The following TRIO variants were observed in gnomAD, a reference collection of about 807,000 sequenced individuals.
TRIO encodes trio Rho guanine nucleotide exchange factor.
TRIO carries 58 observed loss-of-function variants against 351.9 expected under a neutral mutation model. The observed-to-expected ratio is 0.16, with a 90% CI of 0.13 to 0.21. TRIO has a LOEUF of 0.21. Ranked by LOEUF, TRIO falls within the 10% of genes least tolerant of loss-of-function variation. TRIO has a pLI of 1.00. For synonymous variants in TRIO, 1,758 were observed against 1,595.7 expected (o/e 1.10, Z -2.42); for missense variants, 3,201 against 4,027.8 (o/e 0.79, Z 5.56).
chr5:14,465,569 C>T lies in TRIO; in HGVS notation c.5692C>T (p.Pro1898Ser). 1 of 1,614,048 alleles carries T rather than the reference C, an allele frequency of 6.2e-7. No individual in the cohort carries two copies. Among genetic ancestry groups the T allele is most frequent in the Non-Finnish European group, 8.5e-7 (1 of 1,180,016 alleles). ...DKASSRLLVR[P>S]TSSETPSAAE... Reference sequence around the variant, plus strand: ...GGCCTCTTCTCGGTTATTAGTCCGCCCCACCAGCTCCGAAACACCGAGTGC... The same window carrying T: ...GGCCTCTTCTCGGTTATTAGTCCGCTCCACCAGCTCCGAAACACCGAGTGC... Residue 1898 changes from proline (P) to serine (S), a missense_variant, in exon 37 of 57, where the codon CCC becomes TCC. Transcript: ENST00000344204.
chr5:14,268,404 G>T (rs937204227), intron 1 of TRIO, among the ~76,000 whole-genome samples: 1 of 152,170 alleles, frequency 6.6e-6, no homozygotes. Flanking sequence ...CTCTCTATTG[G>T]GATATCAGCA....
chr5:14,358,431 C>T, intron 12 of TRIO, 84 bp downstream of exon 12: 1 of 1,515,384 alleles, frequency 6.6e-7, no homozygotes. Context: ...TGTGAGTGGT[C>T]AGCTCTGCTT....
At chr5:14,399,289 T>C (rs1451770616) in intron 30 of TRIO, 1 of 547,894 alleles carries the variant, frequency 1.8e-6, no homozygotes, top group African/African-American at 1.9e-5. Flanking sequence ...GGAAACTTGC[T>C]CTTCTTAAAT....
At chr5:14,479,371 A>G (rs763647962) in intron 42 of TRIO, 21 bp downstream of exon 42, 44 of 1,568,530 alleles carry the variant, frequency 2.8e-5, no homozygotes, top group Non-Finnish European at 3.8e-5. Context: ...AGATACAAAC[A>G]GAAAGTATTT....
intron 11 of TRIO, among the ~76,000 whole-genome samples, chr5:14,357,258 G>C: frequency 6.6e-6 from 1 of 152,228 alleles, no homozygotes; most frequent in Non-Finnish European, 1.5e-5. Flanking sequence ...CACCAGCTGA[G>C]CCGGCTGTCC....
intron 37 of TRIO, among the ~76,000 whole-genome samples, chr5:14,470,890 G>A (rs143370664): frequency 6.6e-6 from 1 of 152,136 alleles, no homozygotes; most frequent in Non-Finnish European, 1.5e-5. Context: ...GGGAATGCAG[G>A]TACCATGTCC....
At chr5:14,501,156 T>A (rs1161977134) in intron 53 of TRIO, among the ~76,000 whole-genome samples, 4 of 152,144 alleles carry the variant, frequency 2.6e-5, no homozygotes, top group African/African-American at 9.7e-5. Context: ...CCAATATTTC[T>A]TAATGTGAGT....
intron 48 of TRIO, among the ~76,000 whole-genome samples, chr5:14,491,074 CCGCCA>C (rs1756448148): frequency 7.0e-6 from 1 of 141,864 alleles, no homozygotes; most frequent in African/African-American, 2.9e-5. Flanking sequence ...CTGGGCAGCA[CCGCCA>C]TGTTTTTAAG....
At chr5:14,280,157 G>A (rs1405755609) in intron 2 of TRIO, among the ~76,000 whole-genome samples, 165 bp from the exon 3 acceptor site, 2 of 152,216 alleles carry the variant, frequency 1.3e-5, no homozygotes, top group Non-Finnish European at 2.9e-5. Context: ...CAGATCCCCT[G>A]AAGGGATGAC....
intron 1 of TRIO, among the ~76,000 whole-genome samples, chr5:14,188,426 C>T (rs1790253822): frequency 6.6e-6 from 1 of 152,118 alleles, no homozygotes; most frequent in Non-Finnish European, 1.5e-5. Context: ...TAGTTCTTGG[C>T]CCATTCTCTT....
At chr5:14,498,752 A>G (rs935724878) in intron 53 of TRIO, 112 bp downstream of exon 53, 84 of 1,494,836 alleles carry the variant, frequency 5.6e-5, no homozygotes, top group Middle Eastern at 5.4e-4. Flanking sequence ...AGATAGAACA[A>G]TAAGTCATTT....
chr5:14,500,888 CAAAAAAAAAAAAA>C (rs34729667), intron 53 of TRIO, among the ~76,000 whole-genome samples: 2 of 63,572 alleles, frequency 3.1e-5, no homozygotes, highest in African/African-American at 6.4e-5. Context: ...GACTCTGCCT[CAAAAAAAAAAAAA>C]AAAAAAAAAA....
chr5:14,224,655 AG>A (rs373898538), intron 1 of TRIO, among the ~76,000 whole-genome samples: 39,455 of 151,956 alleles, frequency 0.26, 5,336 homozygotes, highest in East Asian at 0.44. Context: ...GCTTTACAGA[AG>A]AGGCAAAGTG....
chr5:14,208,943 T>C (rs1037030757), intron 1 of TRIO, among the ~76,000 whole-genome samples: 1 of 152,370 alleles, frequency 6.6e-6, no homozygotes, highest in African/African-American at 2.4e-5. Context: ...AAAACTGGAT[T>C]GTGATGTTGT....
intron 11 of TRIO, among the ~76,000 whole-genome samples, chr5:14,348,844 C>T (rs554168937): frequency 1.1e-3 from 53 of 48,848 alleles, no homozygotes; most frequent in Non-Finnish European, 6.0e-4. Flanking sequence ...TGTGTACGCA[C>T]GTGAGCATGT....
At chr5:14,361,250 A>G (rs767626561) in intron 13 of TRIO, among the ~76,000 whole-genome samples, 91 of 152,232 alleles carry the variant, frequency 6.0e-4, no homozygotes, top group Non-Finnish European at 1.1e-3. Flanking sequence ...AATTGTATTT[A>G]TCGTAAGTAT....
At chr5:14,193,185 G>A (rs1431087394) in intron 1 of TRIO, among the ~76,000 whole-genome samples, 1 of 152,170 alleles carries the variant, frequency 6.6e-6, no homozygotes, top group East Asian at 1.9e-4. Flanking sequence ...AATATGTGTA[G>A]TAGAGTAATA....
chr5:14,434,283 T>A (rs1413621037), intron 34 of TRIO, among the ~76,000 whole-genome samples: 1 of 152,256 alleles, frequency 6.6e-6, no homozygotes, highest in Non-Finnish European at 1.5e-5. Context: ...CACAAAAGTA[T>A]GTGGAAAAAT....
chr5:14,144,361 C>T (rs1787361560), intron 1 of TRIO, among the ~76,000 whole-genome samples: 1 of 152,156 alleles, frequency 6.6e-6, no homozygotes, highest in South Asian at 2.1e-4. Context: ...CTGATTTGTA[C>T]CTGGACCCTC....
Sources: allele counts gnomAD v4.1 joint callset (sites outside exome capture counted in the v4.1 genomes callset), GRCh38; gene constraint gnomAD v4.1.1; transcripts MANE v1.5; gene names NCBI Gene and HGNC (gene_info 2026-07-23, HGNC 2026-07-21).